NLRP7: variants seen among roughly 807,000 people sequenced by gnomAD.
NLRP7 encodes the protein NACHT, LRR and PYD domains-containing protein 7.
Under a neutral mutation model 85.5 loss-of-function variants are expected in NLRP7, and 72 were observed. That is an observed-to-expected ratio of 0.84 (90% CI 0.70 to 1.02). The LOEUF is 1.02. NLRP7 is among the 50% of genes least tolerant of loss of function. NLRP7 has a pLI of 0.00. For synonymous variants in NLRP7, 550 were observed against 505.2 expected (o/e 1.09, Z -1.19); for missense variants, 1,243 against 1,219.5 (o/e 1.02, Z -0.29).
At chr19:54,964,152 T>TA (rs1472599918) in intron 1 of NLRP7, among the ~76,000 whole-genome samples, 1 of 149,410 alleles carries the variant, frequency 6.7e-6, no homozygotes, top group Admixed American at 6.7e-5. Flanking sequence ...GTGCTGGAAT[T>TA]ACAGGCGTGA....
intron 1 of NLRP7, among the ~76,000 whole-genome samples, chr19:54,942,872 T>C: frequency 6.6e-6 from 1 of 150,748 alleles, no homozygotes; most frequent in African/African-American, 2.4e-5. Context: ...ACTGGCCGGG[T>C]ATGGTGGCTC....
chr19:54,963,669 A>G (rs2070151466), intron 1 of NLRP7, among the ~76,000 whole-genome samples: 1 of 151,776 alleles, frequency 6.6e-6, no homozygotes, highest in Admixed American at 6.6e-5. Context: ...ACTAAAAATA[A>G]GAAAATTAGC....
intron 4 of NLRP7, among the ~76,000 whole-genome samples, chr19:54,938,619 G>A (rs533773515): frequency 7.9e-5 from 12 of 152,138 alleles, no homozygotes; most frequent in Non-Finnish European, 1.5e-4. Flanking sequence ...CCAGCTACTC[G>A]GGAGGCTGAG....
chr19:54,946,258 C>T (rs1221534735), intron 1 of NLRP7, among the ~76,000 whole-genome samples: 2 of 151,120 alleles, frequency 1.3e-5, no homozygotes, highest in Non-Finnish European at 2.9e-5. Context: ...GTTGCCCAGG[C>T]TGGAGTGCAG....
chr19:54,945,388 G>A (rs906966729), intron 1 of NLRP7, among the ~76,000 whole-genome samples: 14 of 147,096 alleles, frequency 9.5e-5, no homozygotes, highest in South Asian at 2.2e-4. Flanking sequence ...CTCCTGCCTC[G>A]GCCTCCCAAG....
intron 7 of NLRP7, among the ~76,000 whole-genome samples, chr19:54,933,968 AG>A (rs2068782667): frequency 6.6e-6 from 1 of 152,102 alleles, no homozygotes; most frequent in African/African-American, 2.4e-5. Flanking sequence ...TTTGAGACGG[AG>A]TCTCGCTCTG....
chr19:54,939,302 C>T, exon 4 of NLRP7: 1 of 1,614,120 alleles, frequency 6.2e-7, no homozygotes, highest in Non-Finnish European at 8.5e-7. Flanking sequence ...TCTTTCTTCT[C>T]CGGAAAGCAG....
intron 9 of NLRP7, among the ~76,000 whole-genome samples, chr19:54,929,287 C>G (rs370620448): frequency 6.6e-6 from 1 of 152,036 alleles, no homozygotes; most frequent in Non-Finnish European, 1.5e-5. Flanking sequence ...ATCGCTTGAA[C>G]CTTGGAGGCT....
chr19:54,960,636 C>T (rs1000598910), intron 1 of NLRP7, among the ~76,000 whole-genome samples: 1 of 151,904 alleles, frequency 6.6e-6, no homozygotes, highest in African/African-American at 2.4e-5. Context: ...TGCTCTGTCA[C>T]CTAGGCTGGA....
At chr19:54,939,051 G>T in exon 4 of NLRP7, 1 of 1,614,172 alleles carries the variant, frequency 6.2e-7, no homozygotes, top group Non-Finnish European at 8.5e-7. Context: ...TCCTTGAACG[G>T]GGCCACCACC....
Position 54,933,642 on chromosome 19 carries a change from G to C in NLRP7, c.2569C>G (p.Pro857Ala), listed in dbSNP as rs1318328680. ...AACTTCACCCCTGTATCCCCAATGGGGTTCTTGGCCAAGCACAGGTGTGTC... is the reference window on the plus strand; with the variant it reads ...AACTTCACCCCTGTATCCCCAATGGCGTTCTTGGCCAAGCACAGGTGTGTC... Residue 857 changes from proline (P) to alanine (A), a missense_variant, in exon 8 of 10, where the codon CCC becomes GCC. By Grantham distance (27) the Pro-to-Ala change is conservative. Transcript: ENST00000340844. The C allele has an allele frequency of 2.5e-6, 4 of 1,614,146 alleles. No individual in the cohort carries two copies. Among genetic ancestry groups the C allele is most frequent in the Non-Finnish European group, 2.5e-6 (3 of 1,180,034 alleles).
At chr19:54,936,141 T>C in intron 6 of NLRP7, 120 bp downstream of exon 6, 2 of 863,058 alleles carry the variant, frequency 2.3e-6, no homozygotes, top group Admixed American at 2.0e-5. Flanking sequence ...CAGGCCTGTT[T>C]GAGGAATACA....
intron 8 of NLRP7, among the ~76,000 whole-genome samples, chr19:54,932,175 G>A (rs534434884): frequency 1.9e-4 from 29 of 151,976 alleles, no homozygotes; most frequent in African/African-American, 4.1e-4. Context: ...TGCCTGGAAC[G>A]CCAGCACTTT....
At chr19:54,940,307 G>T in exon 4 of NLRP7, 1 of 1,614,202 alleles carries the variant, frequency 6.2e-7, no homozygotes, top group South Asian at 1.1e-5. Flanking sequence ...CACCGTGTAA[G>T]GTGTTAGCTT....
intron 5 of NLRP7, 47 bp downstream of exon 5, chr19:54,937,997 C>T (rs2069012952): frequency 1.4e-6 from 2 of 1,420,824 alleles, no homozygotes; most frequent in Non-Finnish European, 2.0e-6. Context: ...GTACAAGAAG[C>T]TTAGTCATCG....
Position 54,965,600 on chromosome 19 carries a change from C to T in NLRP7, c.-77+440G>A, listed in dbSNP as rs373845487. Reference sequence around the variant, plus strand: ...CCTCCCGAGTAGCTGGGACTACAGGCGCCCGCCACCACGCCCGGCTAATTT... The same window carrying T: ...CCTCCCGAGTAGCTGGGACTACAGGTGCCCGCCACCACGCCCGGCTAATTT... On this transcript the variant is annotated intron_variant, in intron 1 of 2. Transcript: ENST00000587103. Among the ~76,000 whole-genome samples, 309 of 43,904 alleles carry T rather than the reference C, an allele frequency of 7.0e-3. 18 individuals carry two copies. In the East Asian group the frequency reaches 0.082, roughly 12 times the overall value. 28.8% of individuals were successfully genotyped at this position (43,904 alleles called of 152,430 possible). A position where few individuals can be genotyped will look rare whatever the true frequency, so the allele number is the denominator to read the frequency against.
chr19:54,938,152 T>A (rs994698536), exon 5 of NLRP7: 43 of 1,613,838 alleles, frequency 2.7e-5, no homozygotes, highest in Non-Finnish European at 3.6e-5. Context: ...GAGGTTGCTG[T>A]TTGAGCTGAA....
intron 1 of NLRP7, among the ~76,000 whole-genome samples, chr19:54,960,106 A>T (rs1568438751): frequency 6.6e-6 from 1 of 151,776 alleles, no homozygotes; most frequent in East Asian, 1.9e-4. Context: ...AACCAAACTC[A>T]CTTATTCCAA....
upstream of NLRP7, among the ~76,000 whole-genome samples, chr19:54,949,821 C>G (rs2069612551): frequency 6.6e-6 from 1 of 152,114 alleles, no homozygotes; most frequent in Non-Finnish European, 1.5e-5. Context: ...AGGGTTTGGG[C>G]CGGGTGTCCT....
Sources: gnomAD v4.1 joint callset for allele counts (sites outside exome capture counted in the v4.1 genomes callset) on GRCh38, gnomAD v4.1.1 for gene constraint, MANE v1.5 for transcripts, NCBI Gene and HGNC (gene_info 2026-07-23, HGNC 2026-07-21) for gene names.